The following CNKSR3 variants were observed in gnomAD, a reference collection of about 807,000 sequenced individuals.
CNKSR3 encodes connector enhancer of kinase suppressor of ras 3.
Under a neutral mutation model 67.7 loss-of-function variants are expected in CNKSR3, and 36 were observed. That is an observed-to-expected ratio of 0.53 (90% confidence interval 0.41 to 0.70). The LOEUF is 0.70. Among genes scored for constraint, CNKSR3 ranks in the 30% least tolerant of loss-of-function variants. The pLI is 0.00. For synonymous variants in CNKSR3, 281 were observed against 271.4 expected (o/e 1.04, Z -0.35); for missense variants, 630 against 695.2 (o/e 0.91, Z 1.05).
chr6:154,410,511 T>C (rs988599292), intron 11 of CNKSR3, 79 bp from the exon 12 acceptor site: 35 of 913,474 alleles, frequency 3.8e-5, no homozygotes, highest in Non-Finnish European at 1.1e-5. Flanking sequence ...ATGTATAACT[T>C]AGACCTCACA....
intron 9 of CNKSR3, among the ~76,000 whole-genome samples, chr6:154,415,228 A>ATTTTTTGTTTTTTTTTTTTTTT (rs1784998753): frequency 8.5e-6 from 1 of 118,106 alleles, no homozygotes; most frequent in African/African-American, 3.3e-5. Flanking sequence ...CTAGCTGCCC[A>ATTTTTTGTTTTTTTTTTTTTTT]TTTTTTTTTT....
intron 1 of CNKSR3, among the ~76,000 whole-genome samples, chr6:154,469,529 A>G (rs927480182): frequency 4.6e-5 from 7 of 152,210 alleles, no homozygotes; most frequent in African/African-American, 1.7e-4. Context: ...CCTATTAAAC[A>G]GTGGGACGAT....
At chr6:154,455,361 G>A (rs1345796499) in intron 1 of CNKSR3, among the ~76,000 whole-genome samples, 2 of 152,046 alleles carry the variant, frequency 1.3e-5, no homozygotes, top group Admixed American at 1.3e-4. Context: ...CTGGTGTGGA[G>A]AACATTGCTG....
chr6:154,466,223 G>A (rs1288849883), intron 1 of CNKSR3, among the ~76,000 whole-genome samples: 1 of 152,188 alleles, frequency 6.6e-6, no homozygotes, highest in Non-Finnish European at 1.5e-5. Context: ...ACTACAGAAA[G>A]AGAAAATGTC....
At chr6:154,509,640 G>A (rs1787173543) in intron 1 of CNKSR3, among the ~76,000 whole-genome samples, 1 of 152,196 alleles carries the variant, frequency 6.6e-6, no homozygotes, top group African/African-American at 2.4e-5. Flanking sequence ...CTCTGGGCAG[G>A]CGGCATGGAC....
At chr6:154,446,801 T>C (rs1404565247) in intron 2 of CNKSR3, among the ~76,000 whole-genome samples, 1 of 139,808 alleles carries the variant, frequency 7.2e-6, no homozygotes, top group East Asian at 2.2e-4. Context: ...GTCATACTTA[T>C]CTTTTTTTTT....
rs534552587 is a variant in CNKSR3, at chr6:154,433,581, C to T, written c.508-74G>A. ...CGTTCAGAACTGTTGGCCTAGCTTT[C>T]TAGACATTTTCTGCAGCTCAAGACG... is the stretch of plus-strand genomic sequence containing the variant. On this transcript the variant is annotated intron_variant, in intron 4 of 12. Transcript: ENST00000607772. 177 of 1,167,830 alleles carry T rather than the reference C, an allele frequency of 1.5e-4. No homozygotes were observed. In the Middle Eastern group the frequency reaches 2.3e-3, roughly 15 times the overall value. 72.3% of individuals were successfully genotyped at this position (1,167,830 alleles called of 1,614,324 possible).
At chr6:154,497,440 G>A (rs1278144479) in intron 1 of CNKSR3, among the ~76,000 whole-genome samples, 2 of 152,118 alleles carry the variant, frequency 1.3e-5, no homozygotes, top group Non-Finnish European at 2.9e-5. Flanking sequence ...CATGTCAGCT[G>A]CTCACTGCTG....
Position 154,489,626 on chromosome 6 carries a change from G to A in CNKSR3, c.52+20437C>T, listed in dbSNP as rs1786746442. On this transcript the variant is annotated intron_variant, in intron 1 of 12. Coordinates refer to ENST00000607772, the MANE Select transcript of CNKSR3 (RefSeq NM_173515.4). The stretch of plus-strand genomic sequence containing the variant: ...AATAAATACTAGGTACACTGAAATC[G>A]GGGGATGAGGAGTGTTCTGTTGGAA... Among the ~76,000 whole-genome samples the A allele has an allele frequency of 2.0e-5, 3 of 152,154 alleles. No individual in the cohort carries two copies. In the South Asian group the frequency reaches 6.2e-4, roughly 32 times the overall value.
intron 1 of CNKSR3, among the ~76,000 whole-genome samples, chr6:154,455,268 G>A (rs1185288670): frequency 2.6e-5 from 4 of 151,750 alleles, no homozygotes; most frequent in Non-Finnish European, 2.9e-5. Flanking sequence ...GCAGTGAGCC[G>A]AGATCATGCC....
intron 4 of CNKSR3, 50 bp downstream of exon 4, chr6:154,441,242 C>CAAAAAAAAAAAAAAAAAAAA (rs34887626): frequency 4.0e-6 from 3 of 754,610 alleles, no homozygotes; most frequent in East Asian, 3.2e-5. Flanking sequence ...AGAGGAAAAG[C>CAAAAAAAAAAAAAAAAAAAA]AAAAAAAAAA....
intron 9 of CNKSR3, among the ~76,000 whole-genome samples, chr6:154,417,467 C>CA (rs1265932701): frequency 2.0e-5 from 3 of 152,198 alleles, no homozygotes; most frequent in Non-Finnish European, 4.4e-5. Context: ...AATCACCCAT[C>CA]ACCAGCCTTG....
rs1784593189 is a variant in CNKSR3 at position 154,390,580 on chromosome 6, G to A, written c.*15774C>T. 1 of 152,146 alleles carries A rather than the reference G, an allele frequency of 6.6e-6. No individual in the cohort carries two copies. Among genetic ancestry groups the A allele is most frequent in the Non-Finnish European group, 1.5e-5 (1 of 68,038 alleles). 9.4% of individuals were successfully genotyped at this position (152,146 alleles called of 1,614,324 possible). On this transcript the variant is annotated 3_prime_UTR_variant, in exon 13 of 13. Transcript: ENST00000607772. ...TACAGCTTTCCAGAGAAGTTTCACT[G>A]AGTGGGACACAATTGCCTAGTGCCC...
intron 1 of CNKSR3, among the ~76,000 whole-genome samples, chr6:154,456,896 T>C (rs1265984264): frequency 6.6e-6 from 1 of 152,002 alleles, no homozygotes; most frequent in Non-Finnish European, 1.5e-5. Context: ...CGACCTCCAT[T>C]ACAAAGGAGA....
intron 1 of CNKSR3, among the ~76,000 whole-genome samples, chr6:154,494,533 A>G (rs1398323523): frequency 2.6e-5 from 4 of 152,250 alleles, no homozygotes; most frequent in African/African-American, 9.6e-5. Flanking sequence ...AAAGGTAAAT[A>G]TAAGAAAAAT....
At chr6:154,410,315 T>C (rs1784883092) in intron 12 of CNKSR3, 28 bp downstream of exon 12, 5 of 1,563,080 alleles carry the variant, frequency 3.2e-6, no homozygotes, top group Non-Finnish European at 4.4e-6. Flanking sequence ...CCATTTGCTG[T>C]TCCTTGGTTT....
At chr6:154,436,454 C>G (rs192875937) in intron 4 of CNKSR3, among the ~76,000 whole-genome samples, 28 of 152,174 alleles carry the variant, frequency 1.8e-4, no homozygotes, top group Admixed American at 1.8e-3. Context: ...AGCCATTGAG[C>G]CTGGCAGGCT....
At chr6:154,452,751 A>G (rs1364957937) in intron 1 of CNKSR3, among the ~76,000 whole-genome samples, 1 of 152,230 alleles carries the variant, frequency 6.6e-6, no homozygotes, top group African/African-American at 2.4e-5. Flanking sequence ...CTCAATCCAT[A>G]TGACTCGTGT....
intron 1 of CNKSR3, among the ~76,000 whole-genome samples, chr6:154,458,418 C>A (rs1489280537): frequency 6.6e-6 from 1 of 152,090 alleles, no homozygotes; most frequent in African/African-American, 2.4e-5. Flanking sequence ...AACTTTTGAG[C>A]CACTTTATTA....
Sources: allele counts gnomAD v4.1 joint callset (sites outside exome capture counted in the v4.1 genomes callset), GRCh38; gene constraint gnomAD v4.1.1; transcripts MANE v1.5; gene names NCBI Gene and HGNC (gene_info 2026-07-23, HGNC 2026-07-21).